USP42: variants seen among roughly 807,000 people sequenced by gnomAD.
USP42 encodes the protein ubiquitin carboxyl-terminal hydrolase 42.
USP42 carries 23 observed loss-of-function variants against 113.0 expected under a neutral mutation model. The ratio of observed to expected loss-of-function variants is 0.20; its 90% CI spans 0.15 to 0.29. USP42 has a LOEUF of 0.29. USP42 is among the 10% of genes least tolerant of loss of function. The pLI is 1.00. For synonymous variants in USP42, 933 were observed against 699.0 expected, an observed-to-expected ratio of 1.33 and a Z score of -5.28; for missense variants, 2,174 against 1,779.8, an observed-to-expected ratio of 1.22 and a Z score of -3.99.
intron 9 of USP42, among the ~76,000 whole-genome samples, chr7:6,145,129 C>G (rs1367997484): frequency 2.0e-5 from 3 of 151,932 alleles, no homozygotes; most frequent in African/African-American, 7.3e-5. Flanking sequence ...GTCAGGCGTT[C>G]AAGACCAGCC....
At position 6,160,090 on chromosome 7, in the gene USP42, C is replaced by G. The variant is rs544917457; in HGVS notation, c.*37-465C>G. 7.2e-5 allele frequency among the ~76,000 whole-genome samples: 11 copies of G among 152,306 alleles called. No individual in the cohort carries two copies. The South Asian group carries it at 2.3e-3, about 32-fold the overall frequency. ...AGAGTCACTGGTTTTATACCTGACC[C>G]TTGTGGAGCTAGAGGGGACAGTGAA... On this transcript the variant is annotated intron_variant, in intron 17 of 17. Transcript: ENST00000306177.
intron 3 of USP42, among the ~76,000 whole-genome samples, chr7:6,117,174 C>G (rs1335022229): frequency 6.6e-6 from 1 of 152,102 alleles, no homozygotes; most frequent in African/African-American, 2.4e-5. Context: ...TTCCCCGATG[C>G]CCCTTTGAAA....
intron 1 of USP42, among the ~76,000 whole-genome samples, chr7:6,108,376 A>G (rs900012880): frequency 2.0e-5 from 3 of 152,164 alleles, no homozygotes; most frequent in Admixed American, 6.6e-5. Flanking sequence ...TGTCTCTACA[A>G]AAAAGAAAAA....
At chr7:6,116,997 C>T (rs1489942346) in intron 3 of USP42, 7 of 410,010 alleles carry the variant, frequency 1.7e-5, no homozygotes, top group Non-Finnish European at 3.4e-5. Flanking sequence ...TCCCTCCCTT[C>T]CTCCCTCTCT....
At chr7:6,122,758 C>G (rs931839017) in intron 3 of USP42, among the ~76,000 whole-genome samples, 19 of 152,092 alleles carry the variant, frequency 1.2e-4, no homozygotes, top group African/African-American at 4.6e-4. Context: ...GCGTGAGTCA[C>G]TGTGTCCAGC....
intron 1 of USP42, among the ~76,000 whole-genome samples, chr7:6,105,514 T>C (rs1583562430): frequency 6.4e-5 from 1 of 15,672 alleles, no homozygotes; most frequent in Non-Finnish European, 1.2e-4. Context: ...CGGAGCCCCC[T>C]CAGAGCCCCG....
chr7:6,093,491 C>A, the USP42 span, among the ~76,000 whole-genome samples: 16 of 150,796 alleles, frequency 1.1e-4, 2 homozygotes, highest in African/African-American at 3.7e-4. Context: ...CCATGTTGGC[C>A]AGGCTGGTCT....
intron 3 of USP42, among the ~76,000 whole-genome samples, chr7:6,124,176 C>T (rs938603550): frequency 6.6e-6 from 1 of 151,622 alleles, no homozygotes; most frequent in African/African-American, 2.4e-5. Context: ...ATGCCCAGCC[C>T]ACTCCAGTTT....
At chr7:6,127,862 T>C (rs1229548049) in intron 3 of USP42, among the ~76,000 whole-genome samples, 1 of 152,232 alleles carries the variant, frequency 6.6e-6, no homozygotes, top group Non-Finnish European at 1.5e-5. Context: ...ACATCTTTAC[T>C]ATGTCCCTGA....
At position 6,160,640 on chromosome 7, in the gene USP42, T is replaced by G. The variant is rs929264686; in HGVS notation, c.*122T>G. ...ACTCTGTTCCAATCTGCGTGGTGCT[T>G]CTTTAGTAAATACTGTACAGATTTT... is the stretch of plus-strand genomic sequence containing the variant. On this transcript the variant is annotated 3_prime_UTR_variant, in exon 18 of 18. Coordinates refer to ENST00000306177, the MANE Select transcript of USP42 (RefSeq NM_032172.3). The G allele has an allele frequency of 4.6e-5, 7 of 152,790 alleles. No homozygotes were observed. In the South Asian group the frequency reaches 6.2e-4, roughly 14 times the overall value. 9.5% of individuals were successfully genotyped at this position (152,790 alleles called of 1,614,324 possible).
chr7:6,133,870 T>A (rs910296876), intron 3 of USP42, among the ~76,000 whole-genome samples: 3 of 150,482 alleles, frequency 2.0e-5, no homozygotes, highest in African/African-American at 7.3e-5. Flanking sequence ...CAGATTTGCA[T>A]CTATTTCCAT....
the USP42 span, among the ~76,000 whole-genome samples, chr7:6,086,758 C>T: frequency 6.8e-6 from 1 of 147,824 alleles, no homozygotes; most frequent in East Asian, 2.0e-4. Flanking sequence ...TGGAGTTTCG[C>T]TCTTGTCGCC....
Position 6,135,890 on chromosome 7 carries a change from C to A in USP42, c.492C>A (p.Thr164=). 1 of 1,610,522 alleles carries A rather than the reference C, an allele frequency of 6.2e-7. No homozygotes were observed. The highest frequency in any genetic ancestry group is 8.5e-7 in the Non-Finnish European group (1 of 1,178,576). The change falls in exon 4 of 18, where the codon ACC becomes ACA. Residue 164 remains threonine (T), a synonymous_variant. Transcript: ENST00000306177. The part of the protein sequence containing the change: ...CMMCTMQAHI[T]QALSNPGDVI... ...TGTGTACAATGCAAGCACATATTAC[C>A]CAGGCACTCAGTAATCCTGGGGACG...
chr7:6,085,494 A>G, the USP42 span, among the ~76,000 whole-genome samples: 1 of 150,492 alleles, frequency 6.6e-6, no homozygotes, highest in African/African-American at 2.5e-5. Flanking sequence ...AGTGTTGCAC[A>G]TAATTAGTGA....
chr7:6,092,430 TGG>T, the USP42 span, among the ~76,000 whole-genome samples: 5 of 150,880 alleles, frequency 3.3e-5, no homozygotes, highest in East Asian at 5.8e-4. Flanking sequence ...CTGCCCACCT[TGG>T]GCTCTCAAAG....
chr7:6,141,928 ATGTC>A (rs1036418409), intron 7 of USP42, among the ~76,000 whole-genome samples: 7 of 152,136 alleles, frequency 4.6e-5, no homozygotes, highest in African/African-American at 1.2e-4. Context: ...ATTGTGTCTG[ATGTC>A]TGTCTGGCCA....
At chr7:6,109,179 T>C (rs1489112363) in intron 1 of USP42, among the ~76,000 whole-genome samples, 1 of 150,936 alleles carries the variant, frequency 6.6e-6, no homozygotes, top group Non-Finnish European at 1.5e-5. Context: ...TGGCTGGAGG[T>C]GGAAGGTTGG....
chr7:6,112,310 A>G (rs1034942383), intron 2 of USP42, among the ~76,000 whole-genome samples: 3 of 152,038 alleles, frequency 2.0e-5, no homozygotes, highest in Non-Finnish European at 4.4e-5. Flanking sequence ...TTAGCTGGGC[A>G]TGGTGGTGTG....
chr7:6,132,143 C>G (rs564953354), intron 3 of USP42, among the ~76,000 whole-genome samples: 32 of 152,098 alleles, frequency 2.1e-4, no homozygotes, highest in African/African-American at 7.7e-4. Context: ...CCAGGCTGGT[C>G]TCGAACTCCT....
Sources: allele counts gnomAD v4.1 joint callset (sites outside exome capture counted in the v4.1 genomes callset), GRCh38; gene constraint gnomAD v4.1.1; transcripts MANE v1.5; gene names NCBI Gene and HGNC (gene_info 2026-07-23, HGNC 2026-07-21).